NHERF2: variants seen among roughly 807,000 people sequenced by gnomAD.
NHERF2 encodes NHERF family PDZ scaffold protein 2.
At chr16:2,032,436 C>T in the NHERF2 span, among the ~76,000 whole-genome samples, 4 of 152,228 alleles carry the variant, frequency 2.6e-5, no homozygotes, top group Non-Finnish European at 5.9e-5. The surrounding 1 kb of genome is among the most constrained non-coding windows in gnomAD (Gnocchi z 4.0). Context: ...TCAGGGCATG[C>T]CTCAGATGGT....
chr16:2,036,716 T>G, the NHERF2 span: 1 of 1,610,132 alleles, frequency 6.2e-7, no homozygotes, highest in Non-Finnish European at 8.5e-7. Context: ...TGATACATGC[T>G]GGTGGCGGCA....
At chr16:2,038,348 T>A in the NHERF2 span, 1 of 456,058 alleles carries the variant, frequency 2.2e-6, no homozygotes, top group African/African-American at 2.7e-5. Flanking sequence ...TGTTTTTGCT[T>A]TTTTTCCAAA....
chr16:2,033,927 A>G, the NHERF2 span, among the ~76,000 whole-genome samples: 1 of 152,114 alleles, frequency 6.6e-6, no homozygotes, highest in Non-Finnish European at 1.5e-5. Context: ...CCCTGCTGAC[A>G]ATGAAGGGGT....
the NHERF2 span, chr16:2,037,034 C>G: frequency 4.5e-6 from 7 of 1,548,128 alleles, no homozygotes; most frequent in Non-Finnish European, 6.1e-6. Flanking sequence ...CACAGGGTGC[C>G]TCTGGGGGTA....
chr16:2,036,518 G>C, the NHERF2 span: 1 of 1,569,620 alleles, frequency 6.4e-7, no homozygotes, highest in Non-Finnish European at 8.6e-7. Context: ...CGGCCCACCA[G>C]GGCTGCGGGG....
At chr16:2,029,786 T>A in the NHERF2 span, 4 of 1,548,636 alleles carry the variant, frequency 2.6e-6, no homozygotes, top group South Asian at 1.2e-5. Context: ...CAAGAAGGTA[T>A]GGCGGGCTTG....
the NHERF2 span, chr16:2,035,374 T>A: frequency 1.0e-6 from 1 of 981,718 alleles, no homozygotes; most frequent in Non-Finnish European, 1.2e-6. Flanking sequence ...GAGCGCCCCC[T>A]TGCCATGCCG....
the NHERF2 span, chr16:2,035,588 C>T: frequency 7.1e-6 from 7 of 987,088 alleles, no homozygotes; most frequent in Non-Finnish European, 8.4e-6. Context: ...CAGCCGCTGG[C>T]CACCGCCGCC....
At chr16:2,029,432 G>C in the NHERF2 span, 1 of 667,514 alleles carries the variant, frequency 1.5e-6, no homozygotes, top group Non-Finnish European at 2.6e-6. Flanking sequence ...GGGGGTGGGG[G>C]GCGGGGCCGG....
the NHERF2 span, among the ~76,000 whole-genome samples, chr16:2,030,377 C>T: frequency 3.9e-5 from 6 of 152,160 alleles, no homozygotes; most frequent in East Asian, 1.9e-4. Flanking sequence ...CAAGGGAGGG[C>T]CCTGGGACCC....
At chr16:2,035,621 T>A in the NHERF2 span, 1 of 986,394 alleles carries the variant, frequency 1.0e-6, no homozygotes, top group Non-Finnish European at 1.2e-6. Flanking sequence ...ACCCCCTGGC[T>A]GGGAGGTGGT....
chr16:2,032,803 C>T, the NHERF2 span: 40 of 996,484 alleles, frequency 4.0e-5, no homozygotes, highest in African/African-American at 1.6e-4. This position sits in a 1 kb window ranked among gnomAD's most constrained non-coding sequence, Gnocchi z 4.0. Flanking sequence ...CAAACAGAGA[C>T]GGGGTGGCCA....
chr16:2,030,664 T>G, the NHERF2 span, among the ~76,000 whole-genome samples: 2 of 135,968 alleles, frequency 1.5e-5, no homozygotes, highest in African/African-American at 2.8e-5. Flanking sequence ...CCTGGCCGGG[T>G]GCGGTGGCTC....
the NHERF2 span, chr16:2,033,169 C>A: frequency 1.4e-6 from 2 of 1,426,548 alleles, no homozygotes; most frequent in African/African-American, 2.9e-5. Flanking sequence ...GGAGCCTTCG[C>A]AGGGGAGCGG....
chr16:2,036,452 G>C, the NHERF2 span: 1 of 1,603,536 alleles, frequency 6.2e-7, no homozygotes, highest in Admixed American at 1.7e-5. Flanking sequence ...CTGTGGACCC[G>C]GGCTCACCTG....
the NHERF2 span, among the ~76,000 whole-genome samples, chr16:2,035,119 G>T: frequency 6.6e-6 from 1 of 152,174 alleles, no homozygotes; most frequent in Non-Finnish European, 1.5e-5. Context: ...GGGTGGGCAG[G>T]AGGCTTCAGA....
chr16:2,035,626 G>A, the NHERF2 span: 1 of 986,482 alleles, frequency 1.0e-6, no homozygotes, highest in African/African-American at 1.7e-5. Context: ...CTGGCTGGGA[G>A]GTGGTCATTG....
chr16:2,037,505 C>A, the NHERF2 span: 1 of 1,584,584 alleles, frequency 6.3e-7, no homozygotes, highest in African/African-American at 1.3e-5. Flanking sequence ...TTGTGTGTGT[C>A]TGTGAAACCA....
At chr16:2,038,017 C>G in the NHERF2 span, 111 of 1,609,482 alleles carry the variant, frequency 6.9e-5, 2 homozygotes, top group Middle Eastern at 2.3e-3. Context: ...ACCCTGGGAC[C>G]CCTCCCGCAC....
Sources: allele counts gnomAD v4.1 joint callset (sites outside exome capture counted in the v4.1 genomes callset), GRCh38; gene constraint gnomAD v4.1.1; non-coding constraint Gnocchi (gnomAD v3.1); transcripts MANE v1.5; gene names NCBI Gene and HGNC (gene_info 2026-07-23, HGNC 2026-07-21).